The following BNC2 variants were observed in gnomAD, a reference collection of about 807,000 sequenced individuals.
BNC2 encodes basonuclin zinc finger protein 2.
In BNC2, 20 loss-of-function variants were observed where a neutral mutation model predicts 76.3. The observed-to-expected ratio is 0.26, with a 90% CI of 0.18 to 0.38. BNC2 has a LOEUF of 0.38. BNC2 is among the 10% of genes least tolerant of loss of function. The pLI, the probability that BNC2 is intolerant of heterozygous loss-of-function variation, is 1.00. For missense variants in BNC2, 1,382 were observed against 1,399.8 expected (o/e 0.99, Z 0.20); for synonymous variants, 582 against 514.8 (o/e 1.13, Z -1.77).
intron 5 of BNC2, among the ~76,000 whole-genome samples, chr9:16,487,824 T>C (rs1822196531): frequency 6.6e-6 from 1 of 152,194 alleles, no homozygotes; most frequent in African/African-American, 2.4e-5. Context: ...AAATATTCTT[T>C]CTCTTCCTCG....
chr9:16,514,039 G>GAATCAC (rs1251241816), intron 5 of BNC2, among the ~76,000 whole-genome samples: 21 of 152,156 alleles, frequency 1.4e-4, no homozygotes, highest in Non-Finnish European at 2.1e-4. Context: ...TATACGTGTG[G>GAATCAC]CTATCTCCTG....
At chr9:16,761,718 G>C (rs1825556597) in intron 1 of BNC2, among the ~76,000 whole-genome samples, 1 of 152,108 alleles carries the variant, frequency 6.6e-6, no homozygotes, top group African/African-American at 2.4e-5. Context: ...TAATTATTCA[G>C]TACTCATAAT....
chr9:16,587,908 G>C (rs947300243), intron 3 of BNC2, among the ~76,000 whole-genome samples: 1 of 152,118 alleles, frequency 6.6e-6, no homozygotes, highest in Admixed American at 6.5e-5. Flanking sequence ...TATCATAATT[G>C]ATCTGTCATA....
intron 3 of BNC2, among the ~76,000 whole-genome samples, chr9:16,644,844 TCTTTTGG>T (rs1563877823): frequency 1.3e-5 from 2 of 152,328 alleles, no homozygotes; most frequent in East Asian, 3.9e-4. Context: ...CTCTTTCTTT[TCTTTTGG>T]CTAGTGCTGA....
At chr9:16,660,088 G>A (rs1436353656) in intron 3 of BNC2, among the ~76,000 whole-genome samples, 1 of 152,208 alleles carries the variant, frequency 6.6e-6, no homozygotes, top group Non-Finnish European at 1.5e-5. Flanking sequence ...ATAATTAGTT[G>A]TTCTCCAATT....
intron 1 of BNC2, among the ~76,000 whole-genome samples, chr9:16,740,705 G>C (rs1049875206): frequency 2.0e-5 from 3 of 152,004 alleles, no homozygotes; most frequent in African/African-American, 7.2e-5. Context: ...TCACTACAGG[G>C]AAAAAAGAGA....
At chr9:16,550,862 T>C (rs943739) in intron 5 of BNC2, among the ~76,000 whole-genome samples, 51,971 of 151,852 alleles carry the variant, frequency 0.34, 9,449 homozygotes, top group Non-Finnish European at 0.4. Flanking sequence ...CTGTAAGAGG[T>C]TTTTCTCTTT....
chr9:16,654,141 G>A (rs1238307317), intron 3 of BNC2, among the ~76,000 whole-genome samples: 1 of 152,174 alleles, frequency 6.6e-6, no homozygotes, highest in Non-Finnish European at 1.5e-5. Context: ...AACATTCAGA[G>A]AGAGGGACAA....
intron 1 of BNC2, among the ~76,000 whole-genome samples, chr9:16,745,086 T>C (rs931102328): frequency 6.6e-6 from 1 of 152,188 alleles, no homozygotes; most frequent in African/African-American, 2.4e-5. Context: ...AAGTTACTTA[T>C]CCAAAGTTCA....
chr9:16,790,518 C>G (rs1207884180), intron 1 of BNC2, among the ~76,000 whole-genome samples: 1 of 152,186 alleles, frequency 6.6e-6, no homozygotes, highest in Non-Finnish European at 1.5e-5. Flanking sequence ...ATTCTCGTTG[C>G]TAATTTACAA....
At chr9:16,796,561 G>C (rs1473388749) in intron 1 of BNC2, among the ~76,000 whole-genome samples, 1 of 109,124 alleles carries the variant, frequency 9.2e-6, no homozygotes, top group South Asian at 3.2e-4. Flanking sequence ...GACAGAGTGA[G>C]ACTCCGTCTC....
chr9:16,556,903 G>A (rs906717545), intron 4 of BNC2, among the ~76,000 whole-genome samples: 2 of 151,872 alleles, frequency 1.3e-5, no homozygotes, highest in Non-Finnish European at 2.9e-5. Flanking sequence ...GAGTCACCAA[G>A]TTGTGACAAC....
At chr9:16,818,948 T>C (rs1388531612) in intron 1 of BNC2, among the ~76,000 whole-genome samples, 1 of 152,170 alleles carries the variant, frequency 6.6e-6, no homozygotes, top group Non-Finnish European at 1.5e-5. Context: ...AACAATATAC[T>C]CTGGCTTCAC....
intron 5 of BNC2, among the ~76,000 whole-genome samples, chr9:16,539,768 A>AGAAAGGAAAGGAAAGGAAAGGAAAG (rs762781150): frequency 3.2e-4 from 19 of 58,952 alleles, no homozygotes; most frequent in African/African-American, 9.3e-4. Flanking sequence ...GGAAAGGAAA[A>AGAAAGGAAAGGAAAGGAAAGGAAAG]GAAAGGAAAG....
At position 16,536,584 on chromosome 9, in the gene BNC2, C is replaced by T. The variant is rs575423813; in HGVS notation, c.669+15946G>A. Among the ~76,000 whole-genome samples, 3 of 152,178 alleles carry T rather than the reference C, an allele frequency of 2.0e-5. No homozygotes were observed. In the South Asian group the frequency reaches 6.2e-4, roughly 32 times the overall value. Reference sequence around the variant, plus strand: ...CATGGAGAAAAAAAATTCCCCTTCTCCTTCAGTCTTGTATTTAAGCCCTGT... The same window carrying T: ...CATGGAGAAAAAAAATTCCCCTTCTTCTTCAGTCTTGTATTTAAGCCCTGT... On this transcript the variant is annotated intron_variant, in intron 5 of 6. Transcript: ENST00000380672.
At chr9:16,601,765 C>G (rs566422525) in intron 3 of BNC2, among the ~76,000 whole-genome samples, 13 of 152,254 alleles carry the variant, frequency 8.5e-5, no homozygotes, top group African/African-American at 2.9e-4. Flanking sequence ...TTCCCTTCCT[C>G]CCCACTGCCA....
chr9:16,598,102 A>G (rs760811019), intron 3 of BNC2, among the ~76,000 whole-genome samples: 1 of 152,220 alleles, frequency 6.6e-6, no homozygotes, highest in African/African-American at 2.4e-5. Context: ...CTTTGTTACT[A>G]TTCACATCAC....
chr9:16,434,659 T>G (rs988200049), intron 6 of BNC2, among the ~76,000 whole-genome samples: 1 of 152,192 alleles, frequency 6.6e-6, no homozygotes, highest in African/African-American at 2.4e-5. Flanking sequence ...CCATTTATAC[T>G]GCATTTTCTT....
chr9:16,688,982 A>G (rs1408066834), intron 3 of BNC2, among the ~76,000 whole-genome samples: 2 of 152,082 alleles, frequency 1.3e-5, no homozygotes, highest in East Asian at 3.9e-4. Context: ...ACAAGTATAA[A>G]GGCCTCTCTC....
Sources: gnomAD v4.1 joint callset for allele counts (sites outside exome capture counted in the v4.1 genomes callset) on GRCh38, gnomAD v4.1.1 for gene constraint, MANE v1.5 for transcripts, NCBI Gene and HGNC (gene_info 2026-07-23, HGNC 2026-07-21) for gene names.